FGF1: variants seen among roughly 807,000 people sequenced by gnomAD.
FGF1 encodes beta-endothelial cell growth factor.
A neutral mutation model predicts 13.4 loss-of-function variants in FGF1; 9 were observed. The ratio of observed to expected loss-of-function variants is 0.67; its 90% CI spans 0.40 to 1.17. The LOEUF (loss-of-function observed/expected upper bound fraction) is 1.17. FGF1 is among the 50% of genes most tolerant of loss of function. The pLI, the probability that FGF1 is intolerant of heterozygous loss-of-function variation, is 0.01. For missense variants in FGF1, 156 were observed against 192.7 expected (o/e 0.81, Z 1.13); for synonymous variants, 93 against 79.0 (o/e 1.18, Z -0.94).
chr5:142,687,961 C>T (rs1751531473), upstream of FGF1, among the ~76,000 whole-genome samples: 1 of 152,250 alleles, frequency 6.6e-6, no homozygotes, highest in Non-Finnish European at 1.5e-5. Context: ...TGCAAACTCA[C>T]AGGATTATCA....
At chr5:142,634,879 T>TC (rs1354369684) in intron 1 of FGF1, among the ~76,000 whole-genome samples, 2 of 152,094 alleles carry the variant, frequency 1.3e-5, no homozygotes, top group Non-Finnish European at 2.9e-5. Flanking sequence ...TTTTTCTTTT[T>TC]TTTTTTTCCA....
At chr5:142,694,872 G>A (rs554012327) in intron 2 of FGF1, among the ~76,000 whole-genome samples, 1 of 152,218 alleles carries the variant, frequency 6.6e-6, no homozygotes, top group South Asian at 2.1e-4. Flanking sequence ...CTCACCCCTG[G>A]GTAGAATCTA....
chr5:142,634,220 C>G (rs17217072), intron 1 of FGF1, among the ~76,000 whole-genome samples: 3,711 of 150,714 alleles, frequency 0.025, 173 homozygotes, highest in African/African-American at 0.086. Flanking sequence ...AAAACTCCCT[C>G]TAGTGAAATC....
chr5:142,633,468 T>C (rs1763691595), intron 1 of FGF1, among the ~76,000 whole-genome samples: 1 of 152,254 alleles, frequency 6.6e-6, no homozygotes, highest in Admixed American at 6.5e-5. Context: ...TTAGATCTGC[T>C]GACTTTGGTG....
intron 1 of FGF1, among the ~76,000 whole-genome samples, chr5:142,659,926 T>C (rs905522724): frequency 2.6e-5 from 4 of 152,180 alleles, no homozygotes; most frequent in Non-Finnish European, 5.9e-5. Flanking sequence ...GATCAGAAGC[T>C]CTTTGACTCC....
intron 1 of FGF1, among the ~76,000 whole-genome samples, chr5:142,660,668 G>A (rs183920338): frequency 1.3e-5 from 2 of 152,268 alleles, no homozygotes; most frequent in South Asian, 2.1e-4. Flanking sequence ...CCTGCCTTCC[G>A]TGTTCTCCTC....
intron 1 of FGF1, among the ~76,000 whole-genome samples, chr5:142,641,863 G>C (rs1181649445): frequency 6.6e-6 from 1 of 150,438 alleles, no homozygotes; most frequent in Non-Finnish European, 1.5e-5. Flanking sequence ...CTGAGATCTT[G>C]AGAAATTAGG....
At chr5:142,595,823 G>T (rs538119385) in intron 3 of FGF1, among the ~76,000 whole-genome samples, 1 of 152,194 alleles carries the variant, frequency 6.6e-6, no homozygotes, top group Non-Finnish European at 1.5e-5. Context: ...CATTCTGCTC[G>T]ACTGTAAGTA....
chr5:142,631,779 CTTTTTTT>C (rs34929420), intron 1 of FGF1, among the ~76,000 whole-genome samples: 2 of 92,922 alleles, frequency 2.2e-5, no homozygotes, highest in East Asian at 3.1e-4. Context: ...TTTAAATTAG[CTTTTTTT>C]TTTTTTTTTT....
intron 1 of FGF1, among the ~76,000 whole-genome samples, chr5:142,670,148 G>A (rs1022835203): frequency 9.9e-5 from 15 of 152,150 alleles, no homozygotes; most frequent in Admixed American, 1.3e-4. Flanking sequence ...CCAACCATTG[G>A]CTCAGAAACC....
At chr5:142,686,092 A>C (rs1165206330), upstream of FGF1, 1 of 151,820 alleles carries the variant, frequency 6.6e-6, no homozygotes, top group Non-Finnish European at 1.5e-5. Flanking sequence ...TGCAGCTCTG[A>C]GTGGGGAGAG....
At chr5:142,694,278 C>T (rs11950751) in intron 2 of FGF1, among the ~76,000 whole-genome samples, 5,821 of 151,572 alleles carry the variant, frequency 0.038, 166 homozygotes, top group South Asian at 0.07. Flanking sequence ...GCAAAGGTCA[C>T]GACTCACTCT....
chr5:142,663,259 A>AAAG lies in FGF1; in HGVS notation c.-35+22697_-35+22698insCTT, dbSNP rs1253021788. Among the ~76,000 whole-genome samples, 5 of 151,708 alleles carry AAAG rather than the reference A, an allele frequency of 3.3e-5. No homozygotes were observed. The South Asian group carries it at 1.0e-3, about 31-fold the overall frequency. ...AGGTTAATCAGGAAAGAAAAAAAAA[A>AAAG]AAAAGAAAAAAGATAATGAGCTTTT... On this transcript the variant is annotated intron_variant, in intron 1 of 3. Coordinates refer to ENST00000337706, the MANE Select transcript of FGF1 (RefSeq NM_000800.5).
chr5:142,620,855 C>G (rs546521240), intron 1 of FGF1, among the ~76,000 whole-genome samples: 1 of 152,294 alleles, frequency 6.6e-6, no homozygotes, highest in African/African-American at 2.4e-5. Flanking sequence ...TAAGGCAAGA[C>G]AACCCAAATA....
At chr5:142,630,978 A>G (rs1376386382) in intron 1 of FGF1, among the ~76,000 whole-genome samples, 1 of 152,228 alleles carries the variant, frequency 6.6e-6, no homozygotes, top group Non-Finnish European at 1.5e-5. Context: ...GGAGGACAGA[A>G]GCCATGTTTA....
At chr5:142,671,153 A>G (rs372019617) in intron 1 of FGF1, among the ~76,000 whole-genome samples, 1 of 152,244 alleles carries the variant, frequency 6.6e-6, no homozygotes, top group Non-Finnish European at 1.5e-5. Context: ...TTACATGAAC[A>G]TACTGTTTTA....
chr5:142,662,767 T>TA (rs1769499291), intron 1 of FGF1, among the ~76,000 whole-genome samples: 1 of 152,216 alleles, frequency 6.6e-6, no homozygotes, highest in Non-Finnish European at 1.5e-5. Flanking sequence ...CTTTTCATAC[T>TA]TTGATTAAAT....
At chr5:142,664,831 G>A (rs764690093) in intron 1 of FGF1, among the ~76,000 whole-genome samples, 32 of 152,126 alleles carry the variant, frequency 2.1e-4, no homozygotes, top group Non-Finnish European at 4.3e-4. Context: ...AGTAAGATGT[G>A]GGCGAGGTGA....
chr5:142,607,654 C>T (rs559083637), intron 2 of FGF1, among the ~76,000 whole-genome samples: 3 of 152,216 alleles, frequency 2.0e-5, no homozygotes, highest in Non-Finnish European at 4.4e-5. Flanking sequence ...TGTATGTGCC[C>T]GCAATAGAAT....
Sources: allele counts gnomAD v4.1 joint callset (sites outside exome capture counted in the v4.1 genomes callset), GRCh38; gene constraint gnomAD v4.1.1; transcripts MANE v1.5; gene names NCBI Gene and HGNC (gene_info 2026-07-23, HGNC 2026-07-21).